The following PTPN22 variants were observed in gnomAD, a reference collection of about 807,000 sequenced individuals.
PTPN22 encodes the protein tyrosine-protein phosphatase non-receptor type 22.
Under a neutral mutation model 103.3 loss-of-function variants are expected in PTPN22, and 85 were observed. The observed-to-expected ratio is 0.82, with a 90% confidence interval of 0.69 to 0.99. The LOEUF (loss-of-function observed/expected upper bound fraction) is 0.99, where lower values mean the gene tolerates loss of function less well. PTPN22 is among the 50% of genes least tolerant of loss of function. PTPN22 has a pLI of 0.00. For missense variants in PTPN22, 865 were observed against 936.9 expected (o/e 0.92, Z 1.00); for synonymous variants, 323 against 310.2 (o/e 1.04, Z -0.43).
At chr1:113,830,779 T>A (rs1662478320) in intron 16 of PTPN22, among the ~76,000 whole-genome samples, 1 of 152,186 alleles carries the variant, frequency 6.6e-6, no homozygotes, top group Admixed American at 6.5e-5. Context: ...AAGATACAGA[T>A]GGTATTCTAC....
At chr1:113,850,281 G>T (rs111595896) in intron 10 of PTPN22, among the ~76,000 whole-genome samples, 374 of 151,496 alleles carry the variant, frequency 2.5e-3, no homozygotes, top group African/African-American at 8.6e-3. Flanking sequence ...AGGAAAGAAA[G>T]GAAGAAAAAG....
At chr1:113,837,549 T>C (rs748928110) in intron 13 of PTPN22, 41 bp downstream of exon 13, 3 of 1,386,754 alleles carry the variant, frequency 2.2e-6, no homozygotes, top group Admixed American at 4.3e-5. Flanking sequence ...AGAAACAAAA[T>C]GAAATCTAAA....
At chr1:113,870,375 T>C (rs1466268770) in intron 1 of PTPN22, among the ~76,000 whole-genome samples, 1 of 152,206 alleles carries the variant, frequency 6.6e-6, no homozygotes, top group Non-Finnish European at 1.5e-5. Context: ...ACTGAAGAGC[T>C]AAGGTTTAAA....
intron 11 of PTPN22, among the ~76,000 whole-genome samples, chr1:113,845,970 TATAACTTTTTTC>T (rs1664020905): frequency 6.6e-6 from 1 of 152,224 alleles, no homozygotes; most frequent in African/African-American, 2.4e-5. Flanking sequence ...TGTTTACTGA[TATAACTTTTTTC>T]CATTCCTTTG....
At chr1:113,829,770 A>G in intron 17 of PTPN22, 63 bp from the exon 18 acceptor site, 2 of 1,280,928 alleles carry the variant, frequency 1.6e-6, no homozygotes, top group Non-Finnish European at 2.2e-6. Context: ...TTCATGTTAC[A>G]TATAATAAAT....
intron 16 of PTPN22, 35 bp from the exon 17 acceptor site, chr1:113,830,064 T>C: frequency 6.9e-7 from 1 of 1,454,814 alleles, no homozygotes. Context: ...ACCAGAGAAA[T>C]CCATCAATTA....
chr1:113,845,905 C>G (rs1170454439), intron 11 of PTPN22, among the ~76,000 whole-genome samples: 2 of 152,190 alleles, frequency 1.3e-5, no homozygotes, highest in Non-Finnish European at 2.9e-5. Context: ...TGTCTTTGCT[C>G]TGAAGTCTAC....
chr1:113,871,018 G>A (rs532069382), intron 1 of PTPN22, among the ~76,000 whole-genome samples: 3 of 152,218 alleles, frequency 2.0e-5, no homozygotes, highest in Non-Finnish European at 4.4e-5. Context: ...GGGTGACAGA[G>A]TAAGATTCTG....
At chr1:113,843,550 A>C (rs1663796905) in intron 11 of PTPN22, among the ~76,000 whole-genome samples, 1 of 152,182 alleles carries the variant, frequency 6.6e-6, no homozygotes, top group Non-Finnish European at 1.5e-5. Context: ...ATAGGGAGTT[A>C]TTGTTTAATG....
Position 113,837,865 on chromosome 1 carries a change from G to T in PTPN22, c.1535C>A (p.Ala512Asp). 6.2e-7 allele frequency: 1 copy of T among 1,614,030 alleles called. No individual in the cohort carries two copies. Among genetic ancestry groups the T allele is most frequent in the Non-Finnish European group, 8.5e-7 (1 of 1,179,974 alleles). ...AGAGTCATGGTGCTTTACATTAGAG[G>T]CATTACGTATTTGGTGTTTAGAGTC... The change falls in exon 13 of 21, where the codon GCC becomes GAC. Residue 512 changes from alanine to aspartate, a missense_variant. Coordinates refer to ENST00000359785, the Ensembl canonical transcript of PTPN22.
At chr1:113,844,279 A>G (rs1480183916) in intron 11 of PTPN22, among the ~76,000 whole-genome samples, 1 of 152,162 alleles carries the variant, frequency 6.6e-6, no homozygotes, top group Non-Finnish European at 1.5e-5. Context: ...ACATGGCAAA[A>G]CCCCATCTCT....
chr1:113,838,504 C>T (rs773775505), intron 12 of PTPN22, 40 bp downstream of exon 12: 1 of 1,604,440 alleles, frequency 6.2e-7, no homozygotes, highest in African/African-American at 1.3e-5. Context: ...ATCTCCCAGA[C>T]ACAATTAGTC....
intron 1 of PTPN22, among the ~76,000 whole-genome samples, chr1:113,864,747 C>T (rs1665968712): frequency 6.6e-6 from 1 of 151,188 alleles, no homozygotes. Context: ...CTTGTCTCTA[C>T]TAAAAACACA....
chr1:113,852,174 C>A, intron 9 of PTPN22, 70 bp from the exon 10 acceptor site: 1 of 1,165,802 alleles, frequency 8.6e-7, no homozygotes, highest in Non-Finnish European at 1.2e-6. Context: ...TTTTCATAGT[C>A]TTGTACTTCC....
At chr1:113,871,413 T>C in intron 1 of PTPN22, 124 bp downstream of exon 1, 3 of 700,444 alleles carry the variant, frequency 4.3e-6, no homozygotes, top group Non-Finnish European at 7.2e-6. Flanking sequence ...TTTTTTTCTG[T>C]CTTCCCCGCC....
At chr1:113,824,830 C>A (rs927856030) in intron 19 of PTPN22, among the ~76,000 whole-genome samples, 2 of 151,854 alleles carry the variant, frequency 1.3e-5, no homozygotes, top group African/African-American at 4.8e-5. Context: ...GAAACCCCAT[C>A]TCTGCTATTA....
chr1:113,847,457 C>G (rs1664195501), intron 11 of PTPN22, among the ~76,000 whole-genome samples: 1 of 148,436 alleles, frequency 6.7e-6, no homozygotes, highest in East Asian at 2.0e-4. Context: ...ACCTATTGTC[C>G]TTATTTAAAT....
intron 11 of PTPN22, among the ~76,000 whole-genome samples, chr1:113,840,138 G>A (rs994117304): frequency 6.6e-6 from 1 of 150,916 alleles, no homozygotes; most frequent in African/African-American, 2.4e-5. Flanking sequence ...TTGAGCCCAG[G>A]AGGCGGAGGT....
chr1:113,859,035 C>T, exon 3 of PTPN22: 1 of 1,613,850 alleles, frequency 6.2e-7, no homozygotes, highest in Non-Finnish European at 8.5e-7. Flanking sequence ...AGCTGGAATC[C>T]TCATCAGAGG....
Sources: gnomAD v4.1 joint callset for allele counts (sites outside exome capture counted in the v4.1 genomes callset) on GRCh38, gnomAD v4.1.1 for gene constraint, MANE v1.5 for transcripts, NCBI Gene and HGNC (gene_info 2026-07-23, HGNC 2026-07-21) for gene names.